KAZN: variants seen among roughly 807,000 people sequenced by gnomAD.
KAZN encodes the protein kazrin.
Under a neutral mutation model 87.4 loss-of-function variants are expected in KAZN, and 40 were observed. That is an observed-to-expected ratio of 0.46 (90% CI 0.36 to 0.60). The LOEUF (loss-of-function observed/expected upper bound fraction) is 0.60, where lower values mean the gene tolerates loss of function less well. Ranked by LOEUF, KAZN falls within the 20% of genes least tolerant of loss-of-function variation. The pLI, the probability that KAZN is intolerant of heterozygous loss-of-function variation, is 0.00. For missense variants in KAZN, 898 were observed against 1,073.9 expected (o/e 0.84, Z 2.29); for synonymous variants, 466 against 458.3 (o/e 1.02, Z -0.22).
intron 2 of KAZN, among the ~76,000 whole-genome samples, chr1:14,975,233 A>G (rs1288471040): frequency 4.6e-5 from 7 of 152,250 alleles, no homozygotes; most frequent in Non-Finnish European, 1.0e-4. Context: ...TTCCAGGAAC[A>G]GGCAGAGACC....
intron 1 of KAZN, among the ~76,000 whole-genome samples, chr1:14,766,191 C>CG (rs1161374315): frequency 2.6e-5 from 4 of 152,128 alleles, no homozygotes; most frequent in African/African-American, 9.7e-5. Flanking sequence ...CTACAGGACA[C>CG]GGGTATGTCT....
At chr1:14,283,628 C>A (rs1419521124) in intron 2 of KAZN, among the ~76,000 whole-genome samples, 1 of 152,136 alleles carries the variant, frequency 6.6e-6, no homozygotes, top group Non-Finnish European at 1.5e-5. Flanking sequence ...AACCCTTATA[C>A]GTTGCTGGTG....
chr1:15,038,889 T>C (rs1044437459), intron 3 of KAZN, among the ~76,000 whole-genome samples: 5 of 105,872 alleles, frequency 4.7e-5, no homozygotes, highest in African/African-American at 1.9e-4. Context: ...TATACAGACA[T>C]GAATGTGATA....
At chr1:14,964,779 T>C (rs927348617) in intron 2 of KAZN, among the ~76,000 whole-genome samples, 20 of 152,174 alleles carry the variant, frequency 1.3e-4, no homozygotes, top group African/African-American at 4.8e-4. Flanking sequence ...TGCCCCACCG[T>C]CTTTGTGTTT....
At chr1:14,113,433 C>T (rs1021935295) in intron 1 of KAZN, among the ~76,000 whole-genome samples, 5 of 152,072 alleles carry the variant, frequency 3.3e-5, no homozygotes, top group African/African-American at 9.7e-5. Flanking sequence ...GCACTTTCCC[C>T]GAAAAATGCA....
intron 1 of KAZN, among the ~76,000 whole-genome samples, chr1:14,919,924 A>G (rs1322237677): frequency 6.6e-6 from 1 of 152,176 alleles, no homozygotes; most frequent in Non-Finnish European, 1.5e-5. Context: ...TATCTCGTGT[A>G]GGTTGGGTAA....
intron 1 of KAZN, among the ~76,000 whole-genome samples, chr1:14,101,117 T>C (rs951065722): frequency 1.3e-5 from 2 of 152,172 alleles, no homozygotes; most frequent in Non-Finnish European, 2.9e-5. Context: ...GAAAATGGAC[T>C]AGTACACAGT....
intron 2 of KAZN, among the ~76,000 whole-genome samples, chr1:14,983,471 A>G (rs1012051330): frequency 6.6e-6 from 1 of 152,156 alleles, no homozygotes; most frequent in African/African-American, 2.4e-5. Context: ...GCAGGAAAAT[A>G]GCGCCCTCAC....
At chr1:14,290,804 A>G (rs545537523) in intron 2 of KAZN, among the ~76,000 whole-genome samples, 3 of 152,288 alleles carry the variant, frequency 2.0e-5, no homozygotes, top group East Asian at 1.9e-4. Flanking sequence ...GTTTCTCCCC[A>G]TCTTTGTGGT....
At chr1:14,335,984 A>T (rs1238857724) in intron 2 of KAZN, among the ~76,000 whole-genome samples, 1 of 152,232 alleles carries the variant, frequency 6.6e-6, no homozygotes, top group East Asian at 1.9e-4. Context: ...CAGGTGAGAG[A>T]CACTGGGGTG....
chr1:15,034,964 G>C (rs985167224), intron 3 of KAZN, 79 bp downstream of exon 3: 12 of 1,545,892 alleles, frequency 7.8e-6, no homozygotes, highest in Non-Finnish European at 1.1e-5. Context: ...ACCTTCACAG[G>C]CTCTGCCTCT....
rs1557770564 is a variant in KAZN, at chr1:14,514,619, A to ATATTTTATATATTTTTTATATTT, written c.250-84361_250-84360insTTTATATATTTTTTATATTTTAT. Among the ~76,000 whole-genome samples, 16 of 53,156 alleles carry ATATTTTATATATTTTTTATATTT rather than the reference A, an allele frequency of 3.0e-4. No homozygotes were observed. The South Asian group carries it at 8.8e-3, about 29-fold the overall frequency. The allele number at this position is 53,156 out of a possible 152,430, so 34.9% of individuals were successfully genotyped here. On this transcript the variant is annotated intron_variant, in intron 2 of 16. Coordinates refer to the KAZN transcript ENST00000636203. The stretch of plus-strand genomic sequence containing the variant: ...TTTATATATATATATATATATATAT[A>ATATTTTATATATTTTTTATATTT]TATATATATATATATATATATCTCA...
intron 1 of KAZN, among the ~76,000 whole-genome samples, chr1:14,730,121 T>C (rs1643610098): frequency 6.6e-6 from 1 of 152,172 alleles, no homozygotes. Context: ...TCTAGCTCTG[T>C]TGCCCAGGCT....
At chr1:14,425,423 A>G (rs1232811395) in intron 2 of KAZN, among the ~76,000 whole-genome samples, 3 of 152,212 alleles carry the variant, frequency 2.0e-5, no homozygotes, top group East Asian at 3.9e-4. Context: ...TCACCATGGA[A>G]TCTCATCCTG....
Position 14,230,862 on chromosome 1 carries a change from A to G in KAZN, c.249+50270A>G, listed in dbSNP as rs143471492. Reference sequence around the variant, plus strand: ...ATGTAGTCACGAGACAGTTCAGTTTAGTGTTAAGATCATAAATGATGGTCT... The same window carrying G: ...ATGTAGTCACGAGACAGTTCAGTTTGGTGTTAAGATCATAAATGATGGTCT... On this transcript the variant is annotated intron_variant, in intron 2 of 16. Coordinates refer to the KAZN transcript ENST00000636203. Among the ~76,000 whole-genome samples, 4 of 152,282 alleles carry G rather than the reference A, an allele frequency of 2.6e-5. No homozygotes were observed. In the East Asian group the frequency reaches 7.7e-4, roughly 29 times the overall value.
At position 14,923,551 on chromosome 1, in the gene KAZN, T is replaced by C. The variant is rs1054777918; in HGVS notation, c.227-37133T>C. 1.3e-5 allele frequency among the ~76,000 whole-genome samples: 2 copies of C among 152,184 alleles called. No homozygotes were observed. The highest frequency in any genetic ancestry group is 4.8e-5 in the African/African-American group (2 of 41,448). ...CTGATAATGGACAGTGGGGAATTAC[T>C]AATGCCTAACTCATAGATGGGGAAA... On this transcript the variant is annotated intron_variant, in intron 1 of 14. Transcript: ENST00000376030. The surrounding 1 kb of genome is among the most constrained non-coding windows in gnomAD (Gnocchi z 4.2).
intron 2 of KAZN, among the ~76,000 whole-genome samples, chr1:15,004,435 G>C (rs1176920801): frequency 6.6e-6 from 1 of 152,218 alleles, no homozygotes; most frequent in East Asian, 1.9e-4. Flanking sequence ...TCTCAGCTTT[G>C]CTACTTTCTA....
intron 2 of KAZN, among the ~76,000 whole-genome samples, chr1:15,015,132 T>TTTTATTTA (rs149046122): frequency 0.015 from 2,233 of 149,398 alleles, 79 homozygotes; most frequent in African/African-American, 0.05. Context: ...AGTTTTTTCT[T>TTTTATTTA]TTTATTTATT....
At chr1:14,033,773 G>T (rs571432049) in intron 1 of KAZN, among the ~76,000 whole-genome samples, 2 of 152,336 alleles carry the variant, frequency 1.3e-5, no homozygotes, top group East Asian at 3.9e-4. Context: ...AGAAGCCCAT[G>T]TCAAGCAAAG....
Sources: allele counts gnomAD v4.1 joint callset (sites outside exome capture counted in the v4.1 genomes callset), GRCh38; gene constraint gnomAD v4.1.1; non-coding constraint Gnocchi (gnomAD v3.1); transcripts MANE v1.5; gene names NCBI Gene and HGNC (gene_info 2026-07-23, HGNC 2026-07-21).